The following NFXL1 variants were observed in gnomAD, a reference collection of about 807,000 sequenced individuals.
NFXL1 encodes NF-X1-type zinc finger protein NFXL1.
In NFXL1, 66 loss-of-function variants were observed where a neutral mutation model predicts 123.3. That is an observed-to-expected ratio of 0.54 (90% CI 0.44 to 0.66). The LOEUF (loss-of-function observed/expected upper bound fraction) is 0.66. NFXL1 is among the 30% of genes least tolerant of loss of function. The pLI is 0.00. For missense variants in NFXL1, 944 were observed against 1,125.6 expected, an observed-to-expected ratio of 0.84 and a Z score of 2.31; for synonymous variants, 346 against 360.8, an observed-to-expected ratio of 0.96 and a Z score of 0.46.
intron 4 of NFXL1, among the ~76,000 whole-genome samples, chr4:47,904,780 G>T (rs1737491508): frequency 6.6e-6 from 1 of 152,154 alleles, no homozygotes; most frequent in African/African-American, 2.4e-5. Context: ...AGTTTTGTCT[G>T]AATCTCTCTC....
chr4:47,880,538 A>G (rs1046042812), intron 15 of NFXL1, among the ~76,000 whole-genome samples: 3 of 151,896 alleles, frequency 2.0e-5, no homozygotes, highest in African/African-American at 4.8e-5. Flanking sequence ...CTCAATAAGA[A>G]AGCAAATAAC....
chr4:47,850,661 T>C (rs1239950491), intron 22 of NFXL1, among the ~76,000 whole-genome samples: 3 of 152,046 alleles, frequency 2.0e-5, no homozygotes, highest in Admixed American at 2.0e-4. Context: ...TTAAAACAAA[T>C]GTACTGATTA....
At chr4:47,850,995 A>G in intron 22 of NFXL1, 100 bp downstream of exon 22, 1 of 838,500 alleles carries the variant, frequency 1.2e-6, no homozygotes, top group South Asian at 1.5e-5. Context: ...AGTTCACAAT[A>G]GAGACTAGAC....
chr4:47,870,112 C>T (rs977406544), intron 18 of NFXL1, among the ~76,000 whole-genome samples: 1 of 152,010 alleles, frequency 6.6e-6, no homozygotes, highest in African/African-American at 2.4e-5. Flanking sequence ...CCATAAAACC[C>T]TCAATGACCA....
At chr4:47,885,779 A>G (rs1736393477) in intron 13 of NFXL1, 100 bp downstream of exon 13, 1 of 1,409,010 alleles carries the variant, frequency 7.1e-7, no homozygotes, top group African/African-American at 1.4e-5. Flanking sequence ...GTGAATATTA[A>G]TATTTTAAAA....
At chr4:47,905,748 T>A in intron 3 of NFXL1, among the ~76,000 whole-genome samples, 2 of 66,600 alleles carry the variant, frequency 3.0e-5, no homozygotes, top group African/African-American at 6.2e-5. Flanking sequence ...TAGATGTGAG[T>A]GAGTGGGGGT....
At chr4:47,912,331 A>G (rs1236432350) in intron 2 of NFXL1, among the ~76,000 whole-genome samples, 2 of 152,198 alleles carry the variant, frequency 1.3e-5, no homozygotes, top group African/African-American at 4.8e-5. Context: ...TCATAACCTG[A>G]TAAATGTATT....
intron 8 of NFXL1, 112 bp from the exon 9 acceptor site, chr4:47,898,193 CTCA>C: frequency 1.6e-6 from 1 of 625,088 alleles, no homozygotes; most frequent in Non-Finnish European, 2.8e-6. Flanking sequence ...CTTTACGTCC[CTCA>C]TATTATTTTA....
intron 12 of NFXL1, among the ~76,000 whole-genome samples, chr4:47,888,150 T>G (rs1485002910): frequency 6.6e-6 from 1 of 152,166 alleles, no homozygotes; most frequent in East Asian, 1.9e-4. Context: ...GGCATATGCC[T>G]GTGATGCCAG....
chr4:47,888,477 C>T (rs181216343), intron 12 of NFXL1, among the ~76,000 whole-genome samples: 6 of 151,818 alleles, frequency 4.0e-5, no homozygotes, highest in Admixed American at 1.3e-4. Context: ...GCATCTTCCA[C>T]ATACTTTACA....
chr4:47,904,061 T>G (rs1321393294), intron 4 of NFXL1, among the ~76,000 whole-genome samples: 1 of 152,336 alleles, frequency 6.6e-6, no homozygotes, highest in East Asian at 1.9e-4. Flanking sequence ...AGCCGACTTC[T>G]TAGTTTGGGT....
chr4:47,909,689 T>G (rs1737734773), intron 3 of NFXL1, among the ~76,000 whole-genome samples: 1 of 151,710 alleles, frequency 6.6e-6, no homozygotes, highest in Non-Finnish European at 1.5e-5. Context: ...GACGGAGTCT[T>G]GCTCTGTCTC....
At chr4:47,891,756 C>G (rs1482140767) in intron 11 of NFXL1, among the ~76,000 whole-genome samples, 1 of 151,884 alleles carries the variant, frequency 6.6e-6, no homozygotes, top group African/African-American at 2.4e-5. Flanking sequence ...TATTAAAAAG[C>G]AATTAAGTCA....
chr4:47,878,343 G>A (rs1350950858), intron 17 of NFXL1, among the ~76,000 whole-genome samples, 182 bp downstream of exon 17: 1 of 151,896 alleles, frequency 6.6e-6, no homozygotes, highest in South Asian at 2.1e-4. Flanking sequence ...TAAAGACACA[G>A]AACTATACAC....
chr4:47,886,611 C>A (rs1162942278), intron 12 of NFXL1, among the ~76,000 whole-genome samples: 1 of 152,164 alleles, frequency 6.6e-6, no homozygotes, highest in African/African-American at 2.4e-5. Context: ...CTCAAGCAAT[C>A]TTCCCACCTC....
intron 18 of NFXL1, among the ~76,000 whole-genome samples, chr4:47,866,345 C>CTTCT (rs2110051182): frequency 6.6e-6 from 1 of 152,272 alleles, no homozygotes; most frequent in South Asian, 2.1e-4. Flanking sequence ...CTCAGTACCA[C>CTTCT]CCTCAAACGC....
intron 2 of NFXL1, 52 bp downstream of exon 2, chr4:47,913,917 T>C: frequency 1.5e-6 from 2 of 1,326,872 alleles, no homozygotes; most frequent in Non-Finnish European, 2.1e-6. Context: ...TCCTGACTAG[T>C]AACTGCCTTA....
intron 10 of NFXL1, 47 bp downstream of exon 10, chr4:47,896,476 T>G: frequency 6.8e-7 from 1 of 1,471,730 alleles, no homozygotes; most frequent in Non-Finnish European, 9.5e-7. Context: ...ATTTGATACA[T>G]TATGATAGGT....
chr4:47,880,368 G>A (rs1736017353), intron 15 of NFXL1, among the ~76,000 whole-genome samples: 1 of 141,012 alleles, frequency 7.1e-6, no homozygotes, highest in Admixed American at 7.7e-5. Flanking sequence ...GGGCTGTGAT[G>A]AAGCAACTGC....
Sources: gnomAD v4.1 joint callset for allele counts (sites outside exome capture counted in the v4.1 genomes callset) on GRCh38, gnomAD v4.1.1 for gene constraint, MANE v1.5 for transcripts, NCBI Gene and HGNC (gene_info 2026-07-23, HGNC 2026-07-21) for gene names.